PRR16: variants seen among roughly 807,000 people sequenced by gnomAD.
PRR16 encodes proline rich 16, also known as protein Largen.
PRR16 carries 6 observed loss-of-function variants against 18.2 expected under a neutral mutation model. That is an observed-to-expected ratio of 0.33 (90% CI 0.18 to 0.65). The LOEUF (loss-of-function observed/expected upper bound fraction) is 0.65. Ranked by LOEUF, PRR16 falls within the 30% of genes least tolerant of loss-of-function variation. The pLI is 0.74. For synonymous variants in PRR16, 151 were observed against 147.8 expected, an observed-to-expected ratio of 1.02 and a Z score of -0.16; for missense variants, 412 against 376.6, an observed-to-expected ratio of 1.09 and a Z score of -0.78.
At chr5:120,754,177 AAATATAT>A in the PRR16 span, among the ~76,000 whole-genome samples, 3 of 19,926 alleles carry the variant, frequency 1.5e-4, no homozygotes, top group East Asian at 0.01. Flanking sequence ...ATATAAATAT[AAATATAT>A]AATATATAAT....
intron 1 of PRR16, among the ~76,000 whole-genome samples, chr5:120,566,419 T>TA (rs1353242124): frequency 6.6e-6 from 1 of 152,250 alleles, no homozygotes; most frequent in Admixed American, 6.5e-5. Context: ...TAGTGAATGT[T>TA]ACCAAACTAA....
At chr5:120,696,992 G>A in the PRR16 span, among the ~76,000 whole-genome samples, 40 of 152,064 alleles carry the variant, frequency 2.6e-4, no homozygotes, top group Admixed American at 2.4e-3. Flanking sequence ...TAAAAAGTTA[G>A]GCCCTTAAAT....
At chr5:120,698,676 T>C in the PRR16 span, among the ~76,000 whole-genome samples, 1 of 152,070 alleles carries the variant, frequency 6.6e-6, no homozygotes, top group Admixed American at 6.5e-5. Flanking sequence ...TACAGGAACT[T>C]AAATGGGGTG....
At chr5:120,477,411 T>G (rs546714501) in intron 1 of PRR16, among the ~76,000 whole-genome samples, 8 of 152,242 alleles carry the variant, frequency 5.3e-5, no homozygotes, top group Admixed American at 2.6e-4. Context: ...GAGTCTTTAT[T>G]AATTCCTCTT....
At chr5:120,640,861 A>T (rs1423350359) in intron 1 of PRR16, among the ~76,000 whole-genome samples, 1 of 152,170 alleles carries the variant, frequency 6.6e-6, no homozygotes, top group Non-Finnish European at 1.5e-5. Flanking sequence ...GAACTGGCTT[A>T]TTGGCTAGGC....
intron 1 of PRR16, among the ~76,000 whole-genome samples, chr5:120,619,034 A>G (rs1754603750): frequency 6.6e-6 from 1 of 152,158 alleles, no homozygotes; most frequent in South Asian, 2.1e-4. Flanking sequence ...CTATAAACAG[A>G]CAGTATCCTT....
At chr5:120,643,430 G>A (rs1019908908) in intron 1 of PRR16, among the ~76,000 whole-genome samples, 1 of 152,068 alleles carries the variant, frequency 6.6e-6, no homozygotes, top group African/African-American at 2.4e-5. Context: ...GTAACTGGAT[G>A]TTTAAACTCA....
chr5:120,508,867 T>A (rs373867802), intron 1 of PRR16, among the ~76,000 whole-genome samples: 82 of 152,264 alleles, frequency 5.4e-4, no homozygotes, highest in African/African-American at 1.8e-3. Flanking sequence ...AGCTAAATCA[T>A]GTCATAAGAA....
At chr5:120,572,935 T>C (rs1180420853) in intron 1 of PRR16, among the ~76,000 whole-genome samples, 2 of 152,096 alleles carry the variant, frequency 1.3e-5, no homozygotes, top group Non-Finnish European at 1.5e-5. Context: ...AGATATTGTG[T>C]TTGAGCCAGG....
intron 1 of PRR16, among the ~76,000 whole-genome samples, chr5:120,632,945 C>T (rs537083529): frequency 1.3e-5 from 2 of 152,122 alleles, no homozygotes; most frequent in East Asian, 3.9e-4. Flanking sequence ...TATCTAAAGT[C>T]AAGACAAAGG....
chr5:120,693,463 G>A, the PRR16 span, among the ~76,000 whole-genome samples: 102 of 152,326 alleles, frequency 6.7e-4, no homozygotes, highest in African/African-American at 2.2e-3. Flanking sequence ...AGACAGCAAT[G>A]CTGAAATGCA....
At chr5:120,691,329 C>A (rs549498411), downstream of PRR16, among the ~76,000 whole-genome samples, 3 of 152,274 alleles carry the variant, frequency 2.0e-5, no homozygotes, top group South Asian at 6.2e-4. Flanking sequence ...TTTTGACATT[C>A]TTAATGTGTT....
chr5:120,523,088 A>G (rs1751239927), intron 1 of PRR16, among the ~76,000 whole-genome samples: 1 of 151,868 alleles, frequency 6.6e-6, no homozygotes, highest in Non-Finnish European at 1.5e-5. Flanking sequence ...AAGATTCTAA[A>G]TTAACTTCAA....
chr5:120,748,381 C>T, the PRR16 span, among the ~76,000 whole-genome samples: 2 of 151,880 alleles, frequency 1.3e-5, no homozygotes, highest in Admixed American at 1.3e-4. Flanking sequence ...TTCCTTACAC[C>T]ATTTTTTTGC....
chr5:120,758,189 A>C, the PRR16 span, among the ~76,000 whole-genome samples: 1 of 152,146 alleles, frequency 6.6e-6, no homozygotes, highest in East Asian at 1.9e-4. Context: ...TAATGGAAAT[A>C]GTTTATATTT....
At chr5:120,616,831 CTTGA>C (rs1229670805) in intron 1 of PRR16, among the ~76,000 whole-genome samples, 1 of 152,174 alleles carries the variant, frequency 6.6e-6, no homozygotes, top group Non-Finnish European at 1.5e-5. Context: ...TTCTTGAAGA[CTTGA>C]TTGATTGACT....
intron 1 of PRR16, among the ~76,000 whole-genome samples, chr5:120,650,036 G>A (rs1318516621): frequency 6.6e-6 from 1 of 151,742 alleles, no homozygotes; most frequent in South Asian, 2.1e-4. Flanking sequence ...TGGCCAACAC[G>A]ATGAAACCCT....
At chr5:120,622,132 TG>T (rs1209443929) in intron 1 of PRR16, among the ~76,000 whole-genome samples, 10 of 152,128 alleles carry the variant, frequency 6.6e-5, no homozygotes, top group Non-Finnish European at 1.5e-5. Context: ...TATGAATTCT[TG>T]TTTGTGTGTT....
chr5:120,515,251 A>C (rs373926741), intron 1 of PRR16, among the ~76,000 whole-genome samples: 2 of 152,138 alleles, frequency 1.3e-5, no homozygotes, highest in African/African-American at 4.8e-5. Context: ...CCCCCATGAT[A>C]ATCACATTAA....
Sources: gnomAD v4.1 joint callset for allele counts (sites outside exome capture counted in the v4.1 genomes callset) on GRCh38, gnomAD v4.1.1 for gene constraint, MANE v1.5 for transcripts, NCBI Gene and HGNC (gene_info 2026-07-23, HGNC 2026-07-21) for gene names.